Variants in ASPHD2 observed in about 807,000 individuals in gnomAD.
ASPHD2 encodes the protein aspartate beta-hydroxylase domain containing 2.
Under a neutral mutation model 34.6 loss-of-function variants are expected in ASPHD2, and 12 were observed. That is an observed-to-expected ratio of 0.35 (90% CI 0.22 to 0.56). The LOEUF (loss-of-function observed/expected upper bound fraction) is 0.56, where lower values mean the gene tolerates loss of function less well. Among genes scored for constraint, ASPHD2 ranks in the 20% least tolerant of loss-of-function variants. The pLI, the probability that ASPHD2 is intolerant of heterozygous loss-of-function variation, is 0.87. For synonymous variants in ASPHD2, 224 were observed against 212.2 expected (o/e 1.06, Z -0.48); for missense variants, 375 against 505.0 (o/e 0.74, Z 2.47).
intron 2 of ASPHD2, among the ~76,000 whole-genome samples, chr22:26,439,765 G>A (rs1300038563): frequency 6.6e-6 from 1 of 152,164 alleles, no homozygotes; most frequent in Non-Finnish European, 1.5e-5. Flanking sequence ...CAGAGAGGCT[G>A]AGTGACTTGC....
At position 26,433,984 on chromosome 22, in the gene ASPHD2, C is replaced by T; in HGVS notation, c.369C>T (p.Asn123=). Residue 123 remains asparagine, a synonymous_variant, in exon 2 of 4, where the codon AAC becomes AAT. Coordinates refer to ENST00000215906, the MANE Select transcript of ASPHD2 (RefSeq NM_020437.5). The surrounding 1 kb of genome is among the most constrained non-coding windows in gnomAD (Gnocchi z 5.1). ...CVRCTHNEGL[N]QKLYHNLQEY... ...GCTGCACCCACAACGAGGGCCTCAA[C>T]CAGAAGCTGTACCACAACCTGCAGG... 6.2e-7 allele frequency: 1 copy of T among 1,613,468 alleles called. No homozygotes were observed. Among genetic ancestry groups the T allele is most frequent in the South Asian group, 1.1e-5 (1 of 91,070 alleles).
At chr22:26,439,109 A>G (rs1424809265) in intron 2 of ASPHD2, among the ~76,000 whole-genome samples, 2 of 152,180 alleles carry the variant, frequency 1.3e-5, no homozygotes, top group Non-Finnish European at 2.9e-5. Context: ...CAAGAAAATC[A>G]GCAATCAGGC....
At chr22:26,439,528 G>T (rs191850594) in intron 2 of ASPHD2, among the ~76,000 whole-genome samples, 1 of 152,278 alleles carries the variant, frequency 6.6e-6, no homozygotes, top group East Asian at 1.9e-4. Context: ...TTGGAGTCAG[G>T]CTGACTCAGC....
At chr22:26,438,437 A>G (rs2084806278) in intron 2 of ASPHD2, among the ~76,000 whole-genome samples, 1 of 147,988 alleles carries the variant, frequency 6.8e-6, no homozygotes, top group Non-Finnish European at 1.5e-5. Context: ...ATATATACAC[A>G]CATACATATA....
intron 2 of ASPHD2, among the ~76,000 whole-genome samples, chr22:26,437,448 G>A (rs2084799390): frequency 6.6e-6 from 1 of 152,056 alleles, no homozygotes. Flanking sequence ...ACCTAGTCCC[G>A]ACTTCATATG....
In ASPHD2 at chr22:26,444,667, G is replaced by A. The variant is rs554773728; in HGVS notation, c.*1461G>A. On this transcript the variant is annotated 3_prime_UTR_variant, in exon 4 of 4. Coordinates refer to ENST00000215906, the MANE Select transcript of ASPHD2 (RefSeq NM_020437.5). ...GCAGGTCCAGTGTTTAGATCCAAATGGAAAACAGCAGCTTCTAAGAGGTAC... is the reference window on the plus strand; with the variant it reads ...GCAGGTCCAGTGTTTAGATCCAAATAGAAAACAGCAGCTTCTAAGAGGTAC... 2.0e-5 allele frequency: 3 copies of A among 152,332 alleles called. No individual in the cohort carries two copies. The highest frequency in any genetic ancestry group is 7.2e-5 in the African/African-American group (3 of 41,576). The allele number at this position is 152,332 out of a possible 1,614,324, so 9.4% of individuals were successfully genotyped here.
rs2084768128 is a variant in ASPHD2, at chr22:26,433,285, T to G, written c.-224-107T>G. 1 of 352,546 alleles carries G rather than the reference T, an allele frequency of 2.8e-6. No individual in the cohort carries two copies. The highest frequency in any genetic ancestry group is 5.2e-6 in the Non-Finnish European group (1 of 190,870). The allele number at this position is 352,546 out of a possible 1,614,324, so 21.8% of individuals were successfully genotyped here. Reference sequence around the variant, plus strand: ...GGAGGGAATACACAAGATTGCAAAGTGTGACCCCCACCAACTAGGATCCTA... The same window carrying G: ...GGAGGGAATACACAAGATTGCAAAGGGTGACCCCCACCAACTAGGATCCTA... On this transcript the variant is annotated intron_variant, in intron 1 of 3. Transcript: ENST00000215906. This position sits in a 1 kb window ranked among gnomAD's most constrained non-coding sequence, Gnocchi z 5.1.
Position 26,434,001 on chromosome 22 carries a change from A to G in ASPHD2, c.386A>G (p.Asn129Ser), listed in dbSNP as rs145125368. The change falls in exon 2 of 4, where the codon AAC becomes AGC. Residue 129 changes from asparagine to serine, a missense_variant. Around this residue, in one of 3 missense-constraint regions of ASPHD2, gnomAD observed 223 missense variants for 257.8 expected, o/e 0.87. Coordinates refer to ENST00000215906, the MANE Select transcript of ASPHD2 (RefSeq NM_020437.5). ...NEGLNQKLYH[N>S]LQEYAKRYSW... ...GGCCTCAACCAGAAGCTGTACCACA[A>G]CCTGCAGGAGTACGCCAAGCGCTAC... 178 of 1,613,348 alleles carry G rather than the reference A, an allele frequency of 1.1e-4. No homozygotes were observed. Among genetic ancestry groups the G allele is most frequent in the Non-Finnish European group, 1.5e-4 (175 of 1,179,960 alleles).
rs2084883862 is a variant in ASPHD2, at chr22:26,444,034, C to T, written c.*828C>T. ...CAGAAGCCCTACTGCCAAACTGGGC[C>T]TGGAAAATTCCCAGTTTTAGGTGTT... On this transcript the variant is annotated 3_prime_UTR_variant, in exon 4 of 4. Transcript: ENST00000215906. 1 of 152,350 alleles carries T rather than the reference C, an allele frequency of 6.6e-6. No individual in the cohort carries two copies. The highest frequency in any genetic ancestry group is 1.9e-4 in the East Asian group (1 of 5,190). The allele number at this position is 152,350 out of a possible 1,614,324, so 9.4% of individuals were successfully genotyped here.
rs750707727 is a variant in ASPHD2 at position 26,433,768 on chromosome 22, G to A, written c.153G>A (p.Gln51=). The change falls in exon 2 of 4, where the codon CAG becomes CAA. Residue 51 remains glutamine, a synonymous_variant. Transcript: ENST00000215906. The surrounding 1 kb of genome is among the most constrained non-coding windows in gnomAD (Gnocchi z 5.1). ...GLRDCIATGI[Q]SVRDCDTTAV... ...GGGACTGCATCGCCACCGGCATCCA[G>A]TCCGTGCGGGACTGCGACACCACCG... is the stretch of plus-strand genomic sequence containing the variant. 1 of 1,613,872 alleles carries A rather than the reference G, an allele frequency of 6.2e-7. No homozygotes were observed. The highest frequency in any genetic ancestry group is 8.5e-7 in the Non-Finnish European group (1 of 1,180,028).
At chr22:26,438,382 T>C (rs1387296315) in intron 2 of ASPHD2, among the ~76,000 whole-genome samples, 1 of 151,574 alleles carries the variant, frequency 6.6e-6, no homozygotes, top group Non-Finnish European at 1.5e-5. Flanking sequence ...CATATTAGGG[T>C]CCTCTTAGAG....
intron 2 of ASPHD2, among the ~76,000 whole-genome samples, chr22:26,440,276 CG>C (rs67214744): frequency 0.91 from 139,035 of 152,068 alleles, 63,813 homozygotes; most frequent in Non-Finnish European, 0.95. Flanking sequence ...CCCCACTGGC[CG>C]GTTGAAGCAT....
intron 1 of ASPHD2, among the ~76,000 whole-genome samples, chr22:26,431,511 A>T (rs899716019): frequency 2.0e-5 from 3 of 152,134 alleles, no homozygotes; most frequent in African/African-American, 7.2e-5. Context: ...AATTTCCATG[A>T]ATATTCAGCA....
rs766415101 is a variant in ASPHD2, at chr22:26,444,617, T to C, written c.*1411T>C. 6.6e-6 allele frequency: 1 copy of C among 152,174 alleles called. No individual in the cohort carries two copies. The highest frequency in any genetic ancestry group is 2.4e-5 in the African/African-American group (1 of 41,438). The allele number at this position is 152,174 out of a possible 1,614,324, so 9.4% of individuals were successfully genotyped here. Reference sequence around the variant, plus strand: ...CAGATTTATAAAGCCGAGGAGTGGTTTGGAATATACAGCTGGTCGCAGGTG... The same window carrying C: ...CAGATTTATAAAGCCGAGGAGTGGTCTGGAATATACAGCTGGTCGCAGGTG... On this transcript the variant is annotated 3_prime_UTR_variant, in exon 4 of 4. Transcript: ENST00000215906.
rs926638230 is a variant in ASPHD2, at chr22:26,433,379, T to TC, written c.-224-13_-224-12insC. ...GGTGTAAAATTTATGCTGATTTTTT[T>TC]TTTCCATCCCAGGTTTGGTTTTCCT... On this transcript the variant is annotated splice_polypyrimidine_tract_variant and intron_variant, in intron 1 of 3. Coordinates refer to ENST00000215906, the MANE Select transcript of ASPHD2 (RefSeq NM_020437.5). This position sits in a 1 kb window ranked among gnomAD's most constrained non-coding sequence, Gnocchi z 5.1. The TC allele has an allele frequency of 9.1e-6, 5 of 548,530 alleles. No homozygotes were observed. Among genetic ancestry groups the TC allele is most frequent in the Non-Finnish European group, 1.6e-5 (5 of 312,976 alleles). 34.0% of individuals were successfully genotyped at this position (548,530 alleles called of 1,614,324 possible).
chr22:26,442,481 T>C lies in ASPHD2; in HGVS notation c.909T>C (p.Cys303=), dbSNP rs775972241. 3.7e-6 allele frequency: 6 copies of C among 1,601,846 alleles called. No individual in the cohort carries two copies. The Admixed American group carries it at 1.0e-4, about 28-fold the overall frequency. ...AAGGTCTGAAAACTCCAAATGGCTG[T>C]GAGCTGGTGGTGGGGGGAGAGCCCC... ...CHLGLKTPNG[C]ELVVGGEPQC... is the part of the protein sequence containing the mutation. Residue 303 remains cysteine (C), a synonymous_variant, in exon 3 of 4, where the codon TGT becomes TGC. Transcript: ENST00000215906.
Position 26,437,265 on chromosome 22 carries a change from G to A in ASPHD2, c.886+2764G>A, listed in dbSNP as rs567351739. ...TAGAGGCACCTGCAGTTCCAGAACC[G>A]TGCTCTTGAAATGCCAATGCTTGCT... On this transcript the variant is annotated intron_variant, in intron 2 of 3. Transcript: ENST00000215906. Among the ~76,000 whole-genome samples, 115 of 152,322 alleles carry A rather than the reference G, an allele frequency of 7.5e-4. 2 individuals are homozygous for A. The Middle Eastern group carries it at 0.01, about 14-fold the overall frequency.
In ASPHD2 at chr22:26,443,267, T is replaced by A. The variant is rs1178101653; in HGVS notation, c.*61T>A. 3.0e-6 allele frequency: 4 copies of A among 1,349,428 alleles called. No homozygotes were observed. The African/African-American group carries it at 4.3e-5, about 15-fold the overall frequency. The allele number at this position is 1,349,428 out of a possible 1,614,324, so 83.6% of individuals were successfully genotyped here. ...GAGGCGGGGCCTGGGCAGACTGTGG[T>A]CCGGTCCAGTCCCTACCGGTGTTGT... On this transcript the variant is annotated 3_prime_UTR_variant, in exon 4 of 4. Transcript: ENST00000215906.
intron 2 of ASPHD2, among the ~76,000 whole-genome samples, chr22:26,435,647 TCTC>T (rs967068503): frequency 4.5e-4 from 68 of 152,070 alleles, no homozygotes; most frequent in African/African-American, 5.1e-4. Context: ...CAGCTCTGCT[TCTC>T]CTGCTGTCTG....
Sources: allele counts gnomAD v4.1 joint callset (sites outside exome capture counted in the v4.1 genomes callset), GRCh38; gene constraint gnomAD v4.1.1; regional missense constraint gnomAD v4.1.1; non-coding constraint Gnocchi (gnomAD v3.1); transcripts MANE v1.5; gene names NCBI Gene and HGNC (gene_info 2026-07-23, HGNC 2026-07-21).